Variants in CEACAM4 observed in about 807,000 individuals in gnomAD.
The protein encoded by CEACAM4 is cell adhesion molecule CEACAM4.
A neutral mutation model predicts 28.7 loss-of-function variants in CEACAM4; 30 were observed. The ratio of observed to expected loss-of-function variants is 1.05; its 90% CI spans 0.78 to 1.42. The LOEUF is 1.42. Among genes scored for constraint, CEACAM4 ranks in the 40% most tolerant of loss-of-function variants. The pLI, the probability that CEACAM4 is intolerant of heterozygous loss-of-function variation, is 0.00. For synonymous variants in CEACAM4, 143 were observed against 126.5 expected, an observed-to-expected ratio of 1.13 and a Z score of -0.87; for missense variants, 330 against 308.2, an observed-to-expected ratio of 1.07 and a Z score of -0.53.
downstream of CEACAM4, among the ~76,000 whole-genome samples, chr19:41,615,430 G>T (rs782729979): frequency 3.9e-5 from 6 of 152,014 alleles, no homozygotes; most frequent in East Asian, 7.7e-4. Flanking sequence ...TATCTCACCT[G>T]GTGATTCTTG....
At chr19:41,621,427 G>A (rs1272547138) in intron 3 of CEACAM4, among the ~76,000 whole-genome samples, 4 of 144,908 alleles carry the variant, frequency 2.8e-5, no homozygotes, top group African/African-American at 9.9e-5. Flanking sequence ...TGCTGTGTTA[G>A]GGAACTAGGA....
At chr19:41,626,816 G>T in intron 1 of CEACAM4, 84 bp downstream of exon 1, 1 of 1,216,570 alleles carries the variant, frequency 8.2e-7, no homozygotes, top group Non-Finnish European at 1.2e-6. Flanking sequence ...CCAGCCAGAA[G>T]CCCTCTATCC....
Position 41,619,381 on chromosome 19 carries a change from A to G in CEACAM4, c.684T>C (p.Ser228=). 5 of 1,614,076 alleles carry G rather than the reference A, an allele frequency of 3.1e-6. No homozygotes were observed. Among genetic ancestry groups the G allele is most frequent in the Non-Finnish European group, 4.2e-6 (5 of 1,179,942 alleles). ...CGATCTGGCAGTAAATGTTTGCATC[A>G]GAGTATAGCAATTCCTGTAAAAACA... is the stretch of plus-strand genomic sequence containing the variant. ...ATPIYEELLY[S]DANIYCQIDH... The change falls in exon 7 of 7, where the codon TCT becomes TCC. Residue 228 remains serine (S), a synonymous_variant. Coordinates refer to ENST00000221954, the MANE Select transcript of CEACAM4 (RefSeq NM_001817.4).
chr19:41,620,769 C>A, intron 3 of CEACAM4, 142 bp from the exon 4 acceptor site: 1 of 730,778 alleles, frequency 1.4e-6, no homozygotes, highest in East Asian at 2.8e-5. Context: ...TAGGAGCGGC[C>A]GAGGACGGGG....
intron 2 of CEACAM4, among the ~76,000 whole-genome samples, chr19:41,624,271 A>G (rs917050997): frequency 4.6e-5 from 7 of 152,118 alleles, no homozygotes; most frequent in African/African-American, 1.7e-4. Flanking sequence ...TCCCTCCTTC[A>G]TGAGAGAACT....
At position 41,625,645 on chromosome 19, in the gene CEACAM4, G is replaced by T. The variant is rs376758413; in HGVS notation, c.380C>A (p.Ala127Asp). The T allele has an allele frequency of 9.4e-6, 15 of 1,600,364 alleles. No individual in the cohort carries two copies. Among genetic ancestry groups the T allele is most frequent in the Non-Finnish European group, 1.2e-5 (14 of 1,172,036 alleles). The change falls in exon 2 of 7, where the codon GCC becomes GAC. Residue 127 changes from alanine (A) to aspartate (D), a missense_variant. Physicochemically the swap from Ala to Asp is moderately radical, Grantham distance 126. Transcript: ENST00000221954. The stretch of plus-strand genomic sequence containing the variant: ...AGTTGCTTGGTCAGAGTCGTAACTG[G>T]CATTTATGGTTCGTAGGGTGTAGGA... ...AGSYTLRTIN[A>D]SYDSDQATGQ... is the part of the protein sequence containing the mutation.
chr19:41,615,337 T>G (rs1555798697), downstream of CEACAM4, among the ~76,000 whole-genome samples: 1 of 151,706 alleles, frequency 6.6e-6, no homozygotes, highest in African/African-American at 2.4e-5. Context: ...AGGCAGCCTG[T>G]GGTGCTTACT....
At chr19:41,616,996 C>A (rs115830620), downstream of CEACAM4, among the ~76,000 whole-genome samples, 2,167 of 152,300 alleles carry the variant, frequency 0.014, 54 homozygotes, top group African/African-American at 0.05. Flanking sequence ...AAAGGTTTCG[C>A]AATTTATGGA....
At chr19:41,623,529 T>A (rs549132814) in intron 2 of CEACAM4, among the ~76,000 whole-genome samples, 1 of 150,104 alleles carries the variant, frequency 6.7e-6, no homozygotes, top group African/African-American at 2.5e-5. Context: ...CGTTCAGTGA[T>A]GCGGTGGTGA....
At chr19:41,622,808 C>T (rs782815045) in intron 2 of CEACAM4, among the ~76,000 whole-genome samples, 3 of 146,284 alleles carry the variant, frequency 2.1e-5, no homozygotes, top group Non-Finnish European at 4.5e-5. Context: ...ACTCTGAGAT[C>T]CAGGTGTTAC....
downstream of CEACAM4, among the ~76,000 whole-genome samples, chr19:41,616,348 AGT>A (rs1484872273): frequency 6.6e-6 from 1 of 152,128 alleles, no homozygotes; most frequent in Non-Finnish European, 1.5e-5. Context: ...TGGATTCTTC[AGT>A]GTGTTCTGAT....
At position 41,627,038 on chromosome 19, in the gene CEACAM4, T is replaced by A; in HGVS notation, c.-75A>T. The A allele has an allele frequency of 2.3e-6, 3 of 1,312,594 alleles. No individual in the cohort carries two copies. The highest frequency in any genetic ancestry group is 3.1e-6 in the Non-Finnish European group (3 of 954,936). 81.3% of individuals were successfully genotyped at this position (1,312,594 alleles called of 1,614,324 possible). A position where few individuals can be genotyped will look rare whatever the true frequency, so the allele number is the denominator to read the frequency against. Reference sequence around the variant, plus strand: ...ACGCTCTTGTCAGAGCTGCTGTGACTGTCGGCTGTCGGGGCTGCTGACCTT... The same window carrying A: ...ACGCTCTTGTCAGAGCTGCTGTGACAGTCGGCTGTCGGGGCTGCTGACCTT... On this transcript the variant is annotated 5_prime_UTR_variant, in exon 1 of 7. Coordinates refer to ENST00000221954, the MANE Select transcript of CEACAM4 (RefSeq NM_001817.4).
chr19:41,620,365 C>T (rs1453535623), intron 4 of CEACAM4, 123 bp from the exon 5 acceptor site: 2 of 1,004,150 alleles, frequency 2.0e-6, no homozygotes, highest in Non-Finnish European at 2.8e-6. Flanking sequence ...CCAGGGGAGA[C>T]CTGAGCAGCT....
chr19:41,624,657 C>A (rs1555803073), intron 2 of CEACAM4, among the ~76,000 whole-genome samples: 2 of 152,220 alleles, frequency 1.3e-5, no homozygotes, highest in Non-Finnish European at 1.5e-5. Flanking sequence ...GACGTGGCAG[C>A]AGCTGCAGAC....
intron 3 of CEACAM4, 139 bp downstream of exon 3, chr19:41,621,512 G>A (rs996727948): frequency 1.1e-5 from 6 of 569,290 alleles, no homozygotes; most frequent in East Asian, 8.6e-5. Context: ...CAGCTGGCAA[G>A]GGAGGAGCCA....
At chr19:41,626,680 C>T (rs3909374) in intron 1 of CEACAM4, among the ~76,000 whole-genome samples, 35,740 of 152,072 alleles carry the variant, frequency 0.24, 4,797 homozygotes, top group South Asian at 0.39. Flanking sequence ...TTGAGATTTT[C>T]CTGCCTTTTA....
downstream of CEACAM4, among the ~76,000 whole-genome samples, chr19:41,615,674 G>T (rs782270204): frequency 1.3e-5 from 2 of 152,062 alleles, no homozygotes; most frequent in Non-Finnish European, 2.9e-5. Flanking sequence ...GATGACAAGG[G>T]TGACCCAGGA....
At chr19:41,616,508 G>C (rs965802488), downstream of CEACAM4, among the ~76,000 whole-genome samples, 3 of 144,306 alleles carry the variant, frequency 2.1e-5, no homozygotes, top group Non-Finnish European at 4.7e-5. Flanking sequence ...TAGATAGATA[G>C]ATAGATAGAT....
Position 41,619,156 on chromosome 19 carries a change from T to A in CEACAM4, c.*174A>T, listed in dbSNP as rs546537837. 16 of 616,728 alleles carry A rather than the reference T, an allele frequency of 2.6e-5. No individual in the cohort carries two copies. The highest frequency in any genetic ancestry group is 4.6e-5 in the Non-Finnish European group (16 of 349,034). The allele number at this position is 616,728 out of a possible 1,614,324, so 38.2% of individuals were successfully genotyped here. Reference sequence around the variant, plus strand: ...GGCCCACCCAGAGCCCAGGGCAACCTGTCAGGGTCTCCAGATATTCAGCAG... The same window carrying A: ...GGCCCACCCAGAGCCCAGGGCAACCAGTCAGGGTCTCCAGATATTCAGCAG... On this transcript the variant is annotated 3_prime_UTR_variant, in exon 7 of 7. Transcript: ENST00000221954.
Sources: gnomAD v4.1 joint callset for allele counts (sites outside exome capture counted in the v4.1 genomes callset) on GRCh38, gnomAD v4.1.1 for gene constraint, MANE v1.5 for transcripts, NCBI Gene and HGNC (gene_info 2026-07-23, HGNC 2026-07-21) for gene names.